Variants in SMCHD1 observed in about 807,000 individuals in gnomAD.
The protein encoded by SMCHD1 is structural maintenance of chromosomes flexible hinge domain containing 1.
SMCHD1 carries 78 observed loss-of-function variants against 254.7 expected under a neutral mutation model. The observed-to-expected ratio is 0.31, with a 90% CI of 0.26 to 0.37. The LOEUF is 0.37. Ranked by LOEUF, SMCHD1 falls within the 10% of genes least tolerant of loss-of-function variation. SMCHD1 has a pLI of 1.00. For synonymous variants in SMCHD1, 766 were observed against 794.9 expected, an observed-to-expected ratio of 0.96 and a Z score of 0.61; for missense variants, 1,840 against 2,408.1, an observed-to-expected ratio of 0.76 and a Z score of 4.94.
At chr18:2,797,891 C>G (rs1207977253) in intron 47 of SMCHD1, among the ~76,000 whole-genome samples, 1 of 151,300 alleles carries the variant, frequency 6.6e-6, no homozygotes, top group Non-Finnish European at 1.5e-5. Flanking sequence ...CACTCCAGTC[C>G]GGGCAACAAG....
intron 23 of SMCHD1, 90 bp from the exon 24 acceptor site, chr18:2,729,185 C>A: frequency 9.5e-7 from 1 of 1,047,268 alleles, no homozygotes; most frequent in East Asian, 3.0e-5. Flanking sequence ...GAAATAGTAG[C>A]TCTACTGAAT....
chr18:2,795,259 G>A (rs1325638143), intron 45 of SMCHD1, among the ~76,000 whole-genome samples: 5 of 151,872 alleles, frequency 3.3e-5, no homozygotes, highest in Admixed American at 1.3e-4. Flanking sequence ...GGGTTTCACC[G>A]TGTTAGCCAG....
rs776083239 is a variant in SMCHD1 at position 2,796,511 on chromosome 18, A to G, written c.5983A>G (p.Arg1995Gly). 8 of 1,589,866 alleles carry G rather than the reference A, an allele frequency of 5.0e-6. No individual in the cohort carries two copies. The South Asian group carries it at 9.2e-5, about 18-fold the overall frequency. Residue 1995 changes from arginine to glycine, a missense_variant, in exon 47 of 48, where the codon AGA becomes GGA. By Grantham distance (125) the Arg-to-Gly change is moderately radical. Coordinates refer to ENST00000320876, the MANE Select transcript of SMCHD1 (RefSeq NM_015295.3). ...PPKRMRREAT[R>G]QNRIITKTDV Reference sequence around the variant, plus strand: ...TAAAAGAATGAGACGAGAAGCTACAAGACAAAATAGGTGAGTTTGTTTGAC... The same window carrying G: ...TAAAAGAATGAGACGAGAAGCTACAGGACAAAATAGGTGAGTTTGTTTGAC...
chr18:2,666,220 T>C lies in SMCHD1; in HGVS notation c.250T>C (p.Cys84Arg). The C allele has an allele frequency of 6.5e-7, 1 of 1,526,946 alleles. No homozygotes were observed. Among genetic ancestry groups the C allele is most frequent in the Non-Finnish European group, 9.0e-7 (1 of 1,109,112 alleles). The allele number at this position is 1,526,946 out of a possible 1,614,324, so 94.6% of individuals were successfully genotyped here. Residue 84 changes from cysteine to arginine, a missense_variant, in exon 2 of 48, where the codon TGT (cysteine) becomes CGT (arginine). Physicochemically the swap from Cys to Arg is radical, Grantham distance 180. Coordinates refer to ENST00000320876, the MANE Select transcript of SMCHD1 (RefSeq NM_015295.3). ...AACAACAAGTAGGAAAGAAATTACC[T>C]GTGATAATTTTGGTAGGTAAACAGT... Reference protein sequence around the residue: ...ITTTSRKEITCDNFDETVKDG... With the variant: ...ITTTSRKEITRDNFDETVKDG...
intron 34 of SMCHD1, among the ~76,000 whole-genome samples, chr18:2,760,077 A>G (rs540672093): frequency 6.6e-6 from 1 of 152,350 alleles, no homozygotes; most frequent in South Asian, 2.1e-4. Context: ...CCTAGGGATC[A>G]TGAGCCACAT....
intron 8 of SMCHD1, among the ~76,000 whole-genome samples, chr18:2,695,599 C>T (rs559674606): frequency 4.6e-5 from 7 of 152,076 alleles, no homozygotes; most frequent in African/African-American, 9.7e-5. Context: ...CGTGAGCCAT[C>T]GCGCCCGGCC....
intron 42 of SMCHD1, 83 bp downstream of exon 42, chr18:2,776,007 C>G (rs529877780): frequency 3.4e-6 from 4 of 1,169,608 alleles, no homozygotes; most frequent in Non-Finnish European, 4.7e-6. Context: ...AATGATTTCT[C>G]TAAAAGATAC....
Position 2,803,198 on chromosome 18 carries a change from G to GTGTGTATA in SMCHD1, c.*647_*648insGTGTATAT, listed in dbSNP as rs376999188. 9 of 136,514 alleles carry GTGTGTATA rather than the reference G, an allele frequency of 6.6e-5. No homozygotes were observed. Among genetic ancestry groups the GTGTGTATA allele is most frequent in the South Asian group, 4.6e-4 (2 of 4,302 alleles). 8.5% of individuals were successfully genotyped at this position (136,514 alleles called of 1,614,324 possible). On this transcript the variant is annotated 3_prime_UTR_variant, in exon 48 of 48. Transcript: ENST00000320876. ...ACTTATCCTGTGTGTGTGTGTGTGT[G>GTGTGTATA]TATATATATATATATATATAAATAT...
At chr18:2,703,160 C>G (rs1175814108) in intron 12 of SMCHD1, among the ~76,000 whole-genome samples, 1 of 152,010 alleles carries the variant, frequency 6.6e-6, no homozygotes, top group Non-Finnish European at 1.5e-5. Context: ...AACCTTTTTT[C>G]GTTATCACCC....
chr18:2,758,686 T>A (rs755478834), intron 34 of SMCHD1, among the ~76,000 whole-genome samples: 1 of 152,208 alleles, frequency 6.6e-6, no homozygotes, highest in Non-Finnish European at 1.5e-5. Flanking sequence ...GTATTCAAGG[T>A]CAGCAATTTC....
At chr18:2,671,862 T>G (rs900716126) in intron 3 of SMCHD1, among the ~76,000 whole-genome samples, 13 of 152,074 alleles carry the variant, frequency 8.5e-5, no homozygotes, top group African/African-American at 2.9e-4. Flanking sequence ...CCTCCCAAAG[T>G]GCTGGGATTA....
At chr18:2,735,437 A>C (rs1260574097) in intron 25 of SMCHD1, among the ~76,000 whole-genome samples, 1 of 152,182 alleles carries the variant, frequency 6.6e-6, no homozygotes, top group Non-Finnish European at 1.5e-5. Flanking sequence ...TACCCAGAGC[A>C]ATCAGGCAAG....
intron 5 of SMCHD1, among the ~76,000 whole-genome samples, chr18:2,679,897 C>A (rs1469402793): frequency 6.6e-6 from 1 of 151,764 alleles, no homozygotes. Context: ...CTTCATTTTT[C>A]TTTTTGTTCC....
chr18:2,739,486 A>G lies in SMCHD1; in HGVS notation c.3480A>G (p.Thr1160=). ...HLKCEMKGGK[T]VQMGQELQGE... is the part of the protein sequence containing the mutation. ...AATGTGAAATGAAAGGAGGAAAAAC[A>G]GTACAGATGGGCCAAGAGCTTCAAG... Residue 1160 remains threonine, a synonymous_variant, in exon 27 of 48, where the codon ACA becomes ACG. Coordinates refer to ENST00000320876, the MANE Select transcript of SMCHD1 (RefSeq NM_015295.3). 2.5e-6 allele frequency: 4 copies of G among 1,613,358 alleles called. No individual in the cohort carries two copies. Among genetic ancestry groups the G allele is most frequent in the Non-Finnish European group, 3.4e-6 (4 of 1,179,520 alleles).
chr18:2,739,985 C>T (rs2075318558), intron 27 of SMCHD1, among the ~76,000 whole-genome samples: 3 of 151,006 alleles, frequency 2.0e-5, no homozygotes, highest in Non-Finnish European at 4.4e-5. Context: ...GCAGAACGTG[C>T]AGGTTTGTTA....
chr18:2,761,922 G>C (rs1335036613), intron 35 of SMCHD1, among the ~76,000 whole-genome samples, 183 bp from the exon 36 acceptor site: 1 of 152,080 alleles, frequency 6.6e-6, no homozygotes, highest in Non-Finnish European at 1.5e-5. Flanking sequence ...AAATTAACCT[G>C]ACCTAACTTT....
intron 30 of SMCHD1, among the ~76,000 whole-genome samples, chr18:2,748,179 T>C (rs2075493593): frequency 6.6e-6 from 1 of 152,030 alleles, no homozygotes; most frequent in Non-Finnish European, 1.5e-5. Context: ...AGTATGAACA[T>C]GGTCTTGTAA....
intron 39 of SMCHD1, among the ~76,000 whole-genome samples, chr18:2,770,766 A>G (rs928658335): frequency 7.9e-5 from 12 of 152,174 alleles, no homozygotes; most frequent in South Asian, 4.2e-4. Context: ...GATTACAGGC[A>G]CATGCCACCA....
chr18:2,769,891 C>T, intron 38 of SMCHD1, 71 bp downstream of exon 38: 6 of 1,545,240 alleles, frequency 3.9e-6, no homozygotes, highest in Non-Finnish European at 5.2e-6. Context: ...TTTTGCTTTC[C>T]ATTAACTTGG....
Sources: allele counts gnomAD v4.1 joint callset (sites outside exome capture counted in the v4.1 genomes callset), GRCh38; gene constraint gnomAD v4.1.1; transcripts MANE v1.5; gene names NCBI Gene and HGNC (gene_info 2026-07-23, HGNC 2026-07-21).